Variants in LRP6 observed in about 807,000 individuals in gnomAD.
LRP6 encodes LDL receptor related protein 6, also known as low-density lipoprotein receptor-related protein 6.
A neutral mutation model predicts 184.1 loss-of-function variants in LRP6; 43 were observed. That is an observed-to-expected ratio of 0.23 (90% confidence interval 0.18 to 0.30). LRP6 has a LOEUF of 0.30. Ranked by LOEUF, LRP6 falls within the 10% of genes least tolerant of loss-of-function variation. The pLI is 1.00. For synonymous variants in LRP6, 719 were observed against 684.9 expected (o/e 1.05, Z -0.78); for missense variants, 1,571 against 2,005.3 (o/e 0.78, Z 4.14).
chr12:12,220,921 A>G (rs148848405), intron 2 of LRP6, among the ~76,000 whole-genome samples: 14 of 152,236 alleles, frequency 9.2e-5, no homozygotes, highest in African/African-American at 3.4e-4. Flanking sequence ...CTTAGATCAC[A>G]ACGGCATCCC....
At chr12:12,195,089 T>C (rs1396297749) in intron 3 of LRP6, among the ~76,000 whole-genome samples, 2 of 152,158 alleles carry the variant, frequency 1.3e-5, no homozygotes, top group Non-Finnish European at 2.9e-5. Context: ...ACATTTTCTT[T>C]ATCTATTCAT....
chr12:12,201,890 C>G (rs1863921555), intron 3 of LRP6, among the ~76,000 whole-genome samples: 1 of 152,162 alleles, frequency 6.6e-6, no homozygotes, highest in Non-Finnish European at 1.5e-5. Context: ...TCCATGATTA[C>G]AAAAAGTTTA....
At chr12:12,160,154 T>A (rs556232432) in intron 10 of LRP6, among the ~76,000 whole-genome samples, 190 bp from the exon 11 acceptor site, 2 of 152,246 alleles carry the variant, frequency 1.3e-5, no homozygotes, top group South Asian at 4.1e-4. Flanking sequence ...TTTTTCCATA[T>A]CCCAAAAAGG....
chr12:12,136,129 G>A (rs1949835872), intron 16 of LRP6, among the ~76,000 whole-genome samples: 1 of 152,144 alleles, frequency 6.6e-6, no homozygotes, highest in East Asian at 1.9e-4. Flanking sequence ...GGAGGTTACA[G>A]TGAGCCAAGA....
intron 20 of LRP6, 109 bp downstream of exon 20, chr12:12,126,582 A>C: frequency 1.2e-6 from 1 of 866,474 alleles, no homozygotes; most frequent in Non-Finnish European, 1.9e-6. Flanking sequence ...GTTTAAACTC[A>C]GAGTAATATG....
intron 15 of LRP6, among the ~76,000 whole-genome samples, chr12:12,142,479 T>C (rs1467487535): frequency 6.6e-6 from 1 of 152,102 alleles, no homozygotes; most frequent in South Asian, 2.1e-4. Context: ...TAAAAGGCTA[T>C]GTGGGTGGCT....
chr12:12,244,292 G>A lies in LRP6; in HGVS notation c.419C>T (p.Pro140Leu). 6.2e-7 allele frequency: 1 copy of A among 1,614,044 alleles called. No individual in the cohort carries two copies. The highest frequency in any genetic ancestry group is 8.5e-7 in the Non-Finnish European group (1 of 1,180,000). The change falls in exon 2 of 23, where the codon CCC (proline) becomes CTC (leucine). Residue 140 changes from proline to leucine, a missense_variant. Transcript: ENST00000261349. Reference protein sequence around the residue: ...KVLFWQELDQPRAIALDPSSG... With the variant: ...KVLFWQELDQLRAIALDPSSG... ...TGAAGGATCTAAGGCAATAGCTCTG[G>A]GTTGATCCAACTCTTGCCAAAATAA...
chr12:12,195,324 A>G (rs1863724029), intron 3 of LRP6, among the ~76,000 whole-genome samples: 1 of 152,152 alleles, frequency 6.6e-6, no homozygotes, highest in South Asian at 2.1e-4. Context: ...CCAACAGTGT[A>G]TAAGAGTTCC....
At chr12:12,168,753 G>A (rs1178413286) in intron 7 of LRP6, among the ~76,000 whole-genome samples, 1 of 152,152 alleles carries the variant, frequency 6.6e-6, no homozygotes, top group African/African-American at 2.4e-5. Context: ...TTCAATTTCT[G>A]TGAGATGGCA....
At position 12,118,844 on chromosome 12, in the gene LRP6, C is replaced by T. The variant is rs576308362; in HGVS notation, c.*2282G>A. 2 of 152,316 alleles carry T rather than the reference C, an allele frequency of 1.3e-5. No homozygotes were observed. The highest frequency in any genetic ancestry group is 2.1e-4 in the South Asian group (1 of 4,820). 9.4% of individuals were successfully genotyped at this position (152,316 alleles called of 1,614,324 possible). On this transcript the variant is annotated 3_prime_UTR_variant, in exon 23 of 23. Coordinates refer to ENST00000261349, the MANE Select transcript of LRP6 (RefSeq NM_002336.3). The stretch of plus-strand genomic sequence containing the variant: ...GGCCATTGCCATCGCAGTGCAAGCA[C>T]GTGGACTGAGATCCAACAAGGCAAT...
At chr12:12,137,272 G>A (rs143438874) in intron 16 of LRP6, among the ~76,000 whole-genome samples, 7 of 152,250 alleles carry the variant, frequency 4.6e-5, no homozygotes, top group African/African-American at 1.7e-4. Flanking sequence ...ATCAACAGTA[G>A]TGACTGCTAG....
chr12:12,146,207 C>T (rs558382755), intron 15 of LRP6, among the ~76,000 whole-genome samples: 1 of 152,274 alleles, frequency 6.6e-6, no homozygotes, highest in East Asian at 1.9e-4. Context: ...TTCTCTAAGA[C>T]AGCTATCTAC....
chr12:12,175,097 T>C (rs1403865969), intron 7 of LRP6, among the ~76,000 whole-genome samples: 3 of 152,050 alleles, frequency 2.0e-5, no homozygotes, highest in Non-Finnish European at 4.4e-5. Context: ...AAGTATATAA[T>C]GAAAAAACAG....
At chr12:12,231,039 G>C (rs1727767048) in intron 2 of LRP6, among the ~76,000 whole-genome samples, 1 of 151,752 alleles carries the variant, frequency 6.6e-6, no homozygotes. Context: ...AAATTAGCCG[G>C]GTGTGATGGC....
At chr12:12,220,684 C>T (rs1333286330) in intron 2 of LRP6, among the ~76,000 whole-genome samples, 4 of 151,438 alleles carry the variant, frequency 2.6e-5, no homozygotes, top group African/African-American at 4.9e-5. Context: ...CTGCAACCTC[C>T]ACCTCCTGGG....
intron 16 of LRP6, among the ~76,000 whole-genome samples, chr12:12,136,702 A>G (rs1949845007): frequency 6.6e-6 from 1 of 152,234 alleles, no homozygotes; most frequent in Non-Finnish European, 1.5e-5. Flanking sequence ...TGAGGGAGTC[A>G]GCTATCTACA....
At chr12:12,171,398 C>T (rs1863038822) in intron 7 of LRP6, among the ~76,000 whole-genome samples, 2 of 151,862 alleles carry the variant, frequency 1.3e-5, no homozygotes, top group South Asian at 2.1e-4. Context: ...GGCGGGTGCC[C>T]GTAGTCCCAG....
At chr12:12,206,436 G>A (rs1464701507) in intron 2 of LRP6, among the ~76,000 whole-genome samples, 3 of 151,810 alleles carry the variant, frequency 2.0e-5, no homozygotes, top group African/African-American at 2.4e-5. Flanking sequence ...CCAGCTACTC[G>A]GGAGGCTGAG....
chr12:12,252,257 A>T (rs927064625), intron 1 of LRP6, among the ~76,000 whole-genome samples: 6 of 152,006 alleles, frequency 3.9e-5, no homozygotes, highest in Admixed American at 3.9e-4. Flanking sequence ...GTGGCCCATG[A>T]TCCTATTTAA....
Sources: gnomAD v4.1 joint callset for allele counts (sites outside exome capture counted in the v4.1 genomes callset) on GRCh38, gnomAD v4.1.1 for gene constraint, MANE v1.5 for transcripts, NCBI Gene and HGNC (gene_info 2026-07-23, HGNC 2026-07-21) for gene names.